ATRN: variants seen among roughly 807,000 people sequenced by gnomAD.
The protein encoded by ATRN is attractin.
ATRN carries 54 observed loss-of-function variants against 178.7 expected under a neutral mutation model. The observed-to-expected ratio is 0.30, with a 90% CI of 0.24 to 0.38. ATRN has a LOEUF of 0.38. Among genes scored for constraint, ATRN ranks in the 10% least tolerant of loss-of-function variants. The pLI is 1.00. For synonymous variants in ATRN, 636 were observed against 663.0 expected (o/e 0.96, Z 0.63); for missense variants, 1,443 against 1,815.1 (o/e 0.79, Z 3.73).
At chr20:3,548,281 A>G (rs2085737346) in intron 5 of ATRN, among the ~76,000 whole-genome samples, 1 of 152,162 alleles carries the variant, frequency 6.6e-6, no homozygotes, top group Admixed American at 6.5e-5. Flanking sequence ...CCATGTGTAG[A>G]AAATATTCAG....
At chr20:3,639,991 A>G (rs1008267549) in intron 27 of ATRN, among the ~76,000 whole-genome samples, 2 of 152,224 alleles carry the variant, frequency 1.3e-5, no homozygotes, top group Non-Finnish European at 2.9e-5. Context: ...ATCACCAGGG[A>G]CAAGAGGCAA....
intron 1 of ATRN, among the ~76,000 whole-genome samples, chr20:3,474,630 C>T (rs1036171920): frequency 3.3e-5 from 5 of 151,236 alleles, no homozygotes; most frequent in African/African-American, 9.7e-5. Flanking sequence ...TGGCGTGAAC[C>T]CGGGAGGCAG....
At chr20:3,477,900 A>T (rs1024364223) in intron 1 of ATRN, among the ~76,000 whole-genome samples, 24 of 152,246 alleles carry the variant, frequency 1.6e-4, no homozygotes, top group Middle Eastern at 3.4e-3. Context: ...GGCATCTTTT[A>T]TTGTCACCTC....
intron 24 of ATRN, among the ~76,000 whole-genome samples, chr20:3,609,649 A>G (rs2086732931): frequency 6.6e-6 from 1 of 152,098 alleles, no homozygotes; most frequent in Non-Finnish European, 1.5e-5. Flanking sequence ...ACAGTAATCA[A>G]AATGTGGAAA....
intron 1 of ATRN, among the ~76,000 whole-genome samples, chr20:3,530,669 A>G (rs922996705): frequency 5.3e-5 from 8 of 152,112 alleles, no homozygotes; most frequent in Non-Finnish European, 8.8e-5. Context: ...AATCTTAATC[A>G]TATGTGTATA....
Position 3,576,679 on chromosome 20 carries a change from A to ATCTG in ATRN, c.2215-164_2215-161dup, listed in dbSNP as rs369364158. ...CAGAGCTACTGCAACTTATCTATCT[A>ATCTG]TCTGTCTGTCTGTCTGTCTATCTAT... On this transcript the variant is annotated intron_variant, in intron 13 of 28. Transcript: ENST00000262919. Among the ~76,000 whole-genome samples the ATCTG allele has an allele frequency of 7.1e-3, 1,007 of 142,308 alleles. 4 individuals carry two copies. The highest frequency in any genetic ancestry group is 0.024 in the Middle Eastern group (7 of 286). The allele number at this position is 142,308 out of a possible 152,430, so 93.4% of individuals were successfully genotyped here.
chr20:3,534,390 G>T (rs973113401), intron 1 of ATRN, among the ~76,000 whole-genome samples: 1 of 152,154 alleles, frequency 6.6e-6, no homozygotes, highest in African/African-American at 2.4e-5. Context: ...CTAAAGAGGG[G>T]TGGAGGAAAA....
At chr20:3,555,780 G>C (rs2085868822) in intron 6 of ATRN, among the ~76,000 whole-genome samples, 1 of 152,178 alleles carries the variant, frequency 6.6e-6, no homozygotes, top group African/African-American at 2.4e-5. Flanking sequence ...AAAATGTCTG[G>C]AGAGCTATGT....
At chr20:3,501,702 C>T (rs1446614995) in intron 1 of ATRN, among the ~76,000 whole-genome samples, 2 of 152,068 alleles carry the variant, frequency 1.3e-5, no homozygotes, top group Admixed American at 6.6e-5. Flanking sequence ...AACTCAGGGG[C>T]GAGGGCCAAC....
intron 4 of ATRN, among the ~76,000 whole-genome samples, 196 bp downstream of exon 4, chr20:3,546,086 C>A (rs1405490354): frequency 1.3e-5 from 2 of 152,148 alleles, no homozygotes; most frequent in Non-Finnish European, 2.9e-5. Flanking sequence ...ATTGAGGAAA[C>A]TGGCAGGAAA....
intron 6 of ATRN, among the ~76,000 whole-genome samples, chr20:3,552,059 T>A (rs2085795052): frequency 6.6e-6 from 1 of 152,180 alleles, no homozygotes; most frequent in South Asian, 2.1e-4. Flanking sequence ...TATCCTTCCC[T>A]CCTCTTTTAA....
At chr20:3,623,652 T>C (rs2086914133) in intron 24 of ATRN, among the ~76,000 whole-genome samples, 1 of 152,066 alleles carries the variant, frequency 6.6e-6, no homozygotes, top group South Asian at 2.1e-4. Context: ...AGTACCATTG[T>C]CTCTCCAAAG....
In ATRN at chr20:3,630,964, T is replaced by TTTTTTTTTTTTTTTTTTTTTTTG. The variant is rs1307722255; in HGVS notation, c.3864-3347_3864-3346insTTTTTTTTTTTTTTTTTTTTTTG. Among the ~76,000 whole-genome samples the TTTTTTTTTTTTTTTTTTTTTTTG allele has an allele frequency of 5.4e-5, 4 of 73,430 alleles. 1 individual carries two copies. The highest frequency in any genetic ancestry group is 1.0e-4 in the Non-Finnish European group (4 of 39,838). The allele number at this position is 73,430 out of a possible 152,430, so 48.2% of individuals were successfully genotyped here. A position where few individuals can be genotyped will look rare whatever the true frequency, so the allele number is the denominator to read the frequency against. ...TTTTTTTTTTTTTTTTTTTTTTTTT[T>TTTTTTTTTTTTTTTTTTTTTTTG]GGGATAGGGTCTCTGTTGCCCAGGC... On this transcript the variant is annotated intron_variant, in intron 25 of 28. Transcript: ENST00000262919.
chr20:3,498,026 A>G (rs1310026732), intron 1 of ATRN, among the ~76,000 whole-genome samples: 3 of 152,220 alleles, frequency 2.0e-5, no homozygotes, highest in Admixed American at 6.5e-5. Context: ...CAGAAATACA[A>G]ACTACCATCA....
At chr20:3,518,829 T>A (rs951882593) in intron 1 of ATRN, among the ~76,000 whole-genome samples, 2 of 151,984 alleles carry the variant, frequency 1.3e-5, no homozygotes, top group Non-Finnish European at 2.9e-5. Flanking sequence ...CCTAAAAAAT[T>A]TAACATGTAA....
At chr20:3,590,006 A>G (rs1010227816) in intron 18 of ATRN, among the ~76,000 whole-genome samples, 4 of 152,100 alleles carry the variant, frequency 2.6e-5, no homozygotes, top group South Asian at 2.1e-4. Flanking sequence ...CTGGAGTGCA[A>G]TGGTGCTTTC....
At position 3,497,807 on chromosome 20, in the gene ATRN, C is replaced by T. The variant is rs1449881954; in HGVS notation, c.410+26290C>T. Among the ~76,000 whole-genome samples the T allele has an allele frequency of 5.3e-5, 8 of 152,274 alleles. No individual in the cohort carries two copies. The South Asian group carries it at 8.3e-4, about 16-fold the overall frequency. Reference sequence around the variant, plus strand: ...GTCACTTTCAGGTACACCAATCAGACGTAGACTTGGTCTTTTCACATAGTC... The same window carrying T: ...GTCACTTTCAGGTACACCAATCAGATGTAGACTTGGTCTTTTCACATAGTC... On this transcript the variant is annotated intron_variant, in intron 1 of 28. Coordinates refer to ENST00000262919, the MANE Select transcript of ATRN (RefSeq NM_139321.3).
At chr20:3,636,563 G>T (rs2087026634) in intron 26 of ATRN, among the ~76,000 whole-genome samples, 1 of 152,190 alleles carries the variant, frequency 6.6e-6, no homozygotes, top group Non-Finnish European at 1.5e-5. Flanking sequence ...TTGTATCCAG[G>T]CTAGTTAGTT....
In ATRN at chr20:3,591,182, C is replaced by T. The variant is rs373520369; in HGVS notation, c.3198C>T (p.Asn1066=). ...SFIHCPACQC[N]GHSKCINQSI... is the part of the protein sequence containing the mutation. ...TTTTTCTTGCAGCTTGCCAATGCAA[C>T]GGCCACAGTAAATGCATCAATCAGA... Residue 1066 remains asparagine, a synonymous_variant, in exon 19 of 29, where the codon AAC becomes AAT. Coordinates refer to ENST00000262919, the MANE Select transcript of ATRN (RefSeq NM_139321.3). The T allele has an allele frequency of 1.3e-4, 210 of 1,613,912 alleles. 1 individual carries two copies. The South Asian group carries it at 1.8e-3, about 14-fold the overall frequency.
Sources: allele counts gnomAD v4.1 joint callset (sites outside exome capture counted in the v4.1 genomes callset), GRCh38; gene constraint gnomAD v4.1.1; transcripts MANE v1.5; gene names NCBI Gene and HGNC (gene_info 2026-07-23, HGNC 2026-07-21).